LYPLAL1: variants seen among roughly 807,000 people sequenced by gnomAD.
LYPLAL1 encodes the protein lysophospholipase-like protein 1.
A neutral mutation model predicts 19.7 loss-of-function variants in LYPLAL1; 23 were observed. That is an observed-to-expected ratio of 1.17 (90% CI 0.84 to 1.65). LYPLAL1 has a LOEUF of 1.65. LYPLAL1 is among the 40% of genes most tolerant of loss of function. LYPLAL1 has a pLI of 0.00. For missense variants in LYPLAL1, 355 were observed against 279.4 expected (o/e 1.27, Z -1.93); for synonymous variants, 119 against 96.3 (o/e 1.24, Z -1.38).
the LYPLAL1 span, among the ~76,000 whole-genome samples, chr1:219,242,006 CA>C: frequency 6.6e-6 from 1 of 152,100 alleles, no homozygotes; most frequent in African/African-American, 2.4e-5. Flanking sequence ...AAACAGAAAA[CA>C]GTCTATTTTT....
intron 3 of LYPLAL1, among the ~76,000 whole-genome samples, chr1:219,197,256 C>T (rs1657678712): frequency 6.6e-6 from 1 of 152,144 alleles, no homozygotes; most frequent in African/African-American, 2.4e-5. Context: ...AACCAAACAG[C>T]ATGGCACTGG....
At chr1:219,341,206 A>G in the LYPLAL1 span, among the ~76,000 whole-genome samples, 1 of 152,116 alleles carries the variant, frequency 6.6e-6, no homozygotes, top group South Asian at 2.1e-4. Flanking sequence ...GTTAGTAATA[A>G]CCAACTTGTC....
the LYPLAL1 span, among the ~76,000 whole-genome samples, chr1:219,340,814 T>C: frequency 6.6e-6 from 1 of 152,204 alleles, no homozygotes; most frequent in Middle Eastern, 3.4e-3. Flanking sequence ...AAATTATCAG[T>C]GAAACGACAA....
chr1:219,307,821 CCTT>C, the LYPLAL1 span, among the ~76,000 whole-genome samples: 1 of 152,162 alleles, frequency 6.6e-6, no homozygotes, highest in East Asian at 1.9e-4. Flanking sequence ...TTTGCTTCCT[CCTT>C]ATTTTTTCTT....
the LYPLAL1 span, among the ~76,000 whole-genome samples, chr1:219,424,693 G>A: frequency 6.6e-6 from 1 of 152,016 alleles, no homozygotes; most frequent in East Asian, 1.9e-4. Flanking sequence ...ATCTCATCAC[G>A]GCCCTTTCTT....
At chr1:219,278,544 G>A in the LYPLAL1 span, among the ~76,000 whole-genome samples, 1 of 152,252 alleles carries the variant, frequency 6.6e-6, no homozygotes, top group East Asian at 1.9e-4. Flanking sequence ...ATGGGGCTGG[G>A]GTTTGAATTG....
the LYPLAL1 span, among the ~76,000 whole-genome samples, chr1:219,443,943 C>G: frequency 6.6e-6 from 1 of 152,188 alleles, no homozygotes; most frequent in Non-Finnish European, 1.5e-5. Flanking sequence ...TAGCAACACT[C>G]ACTCACGCTG....
chr1:219,289,892 C>A, the LYPLAL1 span, among the ~76,000 whole-genome samples: 47 of 152,276 alleles, frequency 3.1e-4, no homozygotes, highest in African/African-American at 1.0e-3. Flanking sequence ...GCCACCCTAC[C>A]TTTTTCATCA....
chr1:219,333,566 T>G, the LYPLAL1 span, among the ~76,000 whole-genome samples: 1 of 152,118 alleles, frequency 6.6e-6, no homozygotes, highest in East Asian at 1.9e-4. Flanking sequence ...TTCCAACCCC[T>G]TTCTCTATTA....
the LYPLAL1 span, among the ~76,000 whole-genome samples, chr1:219,397,984 T>C: frequency 3.9e-5 from 6 of 152,198 alleles, no homozygotes; most frequent in African/African-American, 1.2e-4. Context: ...ACCTTTCATA[T>C]TTTTACTTTT....
the LYPLAL1 span, among the ~76,000 whole-genome samples, chr1:219,441,756 G>T: frequency 4.6e-5 from 7 of 152,158 alleles, no homozygotes; most frequent in African/African-American, 1.7e-4. Context: ...CTGCCAGAGA[G>T]CACAAGCATA....
the LYPLAL1 span, among the ~76,000 whole-genome samples, chr1:219,410,850 T>C: frequency 1.3e-5 from 2 of 152,236 alleles, no homozygotes; most frequent in Non-Finnish European, 2.9e-5. Flanking sequence ...CCACCGGCGC[T>C]GCGCTCGATT....
the LYPLAL1 span, among the ~76,000 whole-genome samples, chr1:219,280,101 ATTTTTTAGAAGT>A: frequency 1.3e-5 from 2 of 152,142 alleles, no homozygotes; most frequent in East Asian, 3.9e-4. Context: ...GTCTCTGAAA[ATTTTTTAGAAGT>A]TTATAGGTGA....
the LYPLAL1 span, among the ~76,000 whole-genome samples, chr1:219,338,621 AC>A: frequency 6.6e-6 from 1 of 151,614 alleles, no homozygotes; most frequent in African/African-American, 2.4e-5. Context: ...CAAAAAAAAA[AC>A]AAAAACAGAA....
At chr1:219,394,191 A>G in the LYPLAL1 span, among the ~76,000 whole-genome samples, 2 of 152,148 alleles carry the variant, frequency 1.3e-5, no homozygotes, top group African/African-American at 2.4e-5. Flanking sequence ...AGAAGGAATA[A>G]TTTTGTCTAG....
chr1:219,203,265 T>C (rs1053610142), intron 3 of LYPLAL1, among the ~76,000 whole-genome samples: 1 of 152,108 alleles, frequency 6.6e-6, no homozygotes, highest in Admixed American at 6.5e-5. Flanking sequence ...TAGTGGTACT[T>C]TGTTATGTTG....
the LYPLAL1 span, among the ~76,000 whole-genome samples, chr1:219,253,954 G>T: frequency 6.6e-6 from 1 of 152,046 alleles, no homozygotes; most frequent in South Asian, 2.1e-4. Flanking sequence ...ATGAATCTGG[G>T]TGCTCCTATG....
At chr1:219,411,332 C>T in the LYPLAL1 span, among the ~76,000 whole-genome samples, 7 of 151,982 alleles carry the variant, frequency 4.6e-5, no homozygotes, top group Non-Finnish European at 1.0e-4. Context: ...GTAAATACAC[C>T]AATCAGCACC....
In LYPLAL1 at chr1:219,173,913, T is replaced by A. The variant is rs781246200; in HGVS notation, c.23T>A (p.Val8Asp). MAAASGSVLQRCIVSPAG... is the reference protein window; with the variant it reads MAAASGSDLQRCIVSPAG... ...GCGATGGCGGCTGCGTCGGGGTCGG[T>A]TCTGCAGCGCTGTATCGTGTCGCCG... Residue 8 changes from valine to aspartate, a missense_variant, in exon 1 of 5, where the codon GTT (valine) becomes GAT (aspartate). Transcript: ENST00000366928. 6.8e-6 allele frequency: 11 copies of A among 1,613,308 alleles called. No homozygotes were observed. Among genetic ancestry groups the A allele is most frequent in the Non-Finnish European group, 7.6e-6 (9 of 1,179,906 alleles).
Sources: gnomAD v4.1 joint callset for allele counts (sites outside exome capture counted in the v4.1 genomes callset) on GRCh38, gnomAD v4.1.1 for gene constraint, MANE v1.5 for transcripts, NCBI Gene and HGNC (gene_info 2026-07-23, HGNC 2026-07-21) for gene names.